Variants in DIAPH3 observed in about 807,000 individuals in gnomAD.
DIAPH3 encodes the protein diaphanous related formin 3.
A neutral mutation model predicts 144.3 loss-of-function variants in DIAPH3; 117 were observed. The observed-to-expected ratio is 0.81, with a 90% CI of 0.70 to 0.95. The LOEUF (loss-of-function observed/expected upper bound fraction) is 0.95, where lower values mean the gene tolerates loss of function less well. DIAPH3 is among the 40% of genes least tolerant of loss of function. The pLI is 0.00. For synonymous variants in DIAPH3, 519 were observed against 488.9 expected (o/e 1.06, Z -0.81); for missense variants, 1,421 against 1,412.7 (o/e 1.01, Z -0.09).
intron 27 of DIAPH3, among the ~76,000 whole-genome samples, chr13:59,732,701 C>T (rs976314556): frequency 6.6e-6 from 1 of 151,964 alleles, no homozygotes; most frequent in African/African-American, 2.4e-5. Context: ...CCTAAGCCTC[C>T]CAAAGTGCTG....
chr13:60,099,814 CT>C (rs199758466), intron 3 of DIAPH3, among the ~76,000 whole-genome samples: 5 of 150,336 alleles, frequency 3.3e-5, no homozygotes, highest in Admixed American at 6.7e-5. Context: ...ACTTGGAAAG[CT>C]TTTTTTTTCA....
intron 18 of DIAPH3, among the ~76,000 whole-genome samples, chr13:59,917,523 A>C (rs1194048283): frequency 6.6e-6 from 1 of 152,148 alleles, no homozygotes; most frequent in East Asian, 1.9e-4. Flanking sequence ...TGAAATCATT[A>C]CAATAAAACT....
intron 22 of DIAPH3, among the ~76,000 whole-genome samples, chr13:59,855,608 A>G (rs1480386246): frequency 7.2e-5 from 11 of 152,090 alleles, no homozygotes; most frequent in Non-Finnish European, 1.3e-4. Flanking sequence ...TAGTTCCCTG[A>G]GACATAAAAC....
rs1450532222 is a variant in DIAPH3, at chr13:59,766,798, A to AAAG, written c.3319+7390_3319+7391insCTT. On this transcript the variant is annotated intron_variant, in intron 27 of 27. Transcript: ENST00000400324. The stretch of plus-strand genomic sequence containing the variant: ...TCATATCTAGGCTTTCAAAAAAAAA[A>AAAG]AAAGAAAGAAAGAAAGAAAAAAAGC... 5.3e-5 allele frequency among the ~76,000 whole-genome samples: 8 copies of AAAG among 151,962 alleles called. No homozygotes were observed. In the East Asian group the frequency reaches 1.5e-3, roughly 29 times the overall value.
At chr13:59,905,566 G>A (rs1049646292) in intron 20 of DIAPH3, among the ~76,000 whole-genome samples, 3 of 152,034 alleles carry the variant, frequency 2.0e-5, no homozygotes, top group African/African-American at 7.2e-5. Flanking sequence ...GCAAAATAAC[G>A]GTCCCTCAAA....
intron 4 of DIAPH3, among the ~76,000 whole-genome samples, chr13:60,067,830 G>A (rs2048634): frequency 0.23 from 34,605 of 151,668 alleles, 4,129 homozygotes; most frequent in Middle Eastern, 0.28. Flanking sequence ...TCTCCTTCCC[G>A]TAATAAAGTA....
chr13:59,750,245 C>T (rs1019199133), intron 27 of DIAPH3, among the ~76,000 whole-genome samples: 1 of 152,138 alleles, frequency 6.6e-6, no homozygotes, highest in African/African-American at 2.4e-5. Flanking sequence ...AAAAAACTAC[C>T]TTGAAATTTA....
chr13:59,735,460 G>T (rs1463867112), intron 27 of DIAPH3, among the ~76,000 whole-genome samples: 1 of 152,142 alleles, frequency 6.6e-6, no homozygotes, highest in Non-Finnish European at 1.5e-5. Flanking sequence ...CATCGTGTTA[G>T]GTGGTGTGCT....
intron 3 of DIAPH3, among the ~76,000 whole-genome samples, chr13:60,104,131 G>A (rs932260035): frequency 1.8e-4 from 28 of 152,040 alleles, no homozygotes; most frequent in African/African-American, 6.8e-4. Flanking sequence ...CTGGAACTTA[G>A]AATTAACTTT....
intron 5 of DIAPH3, among the ~76,000 whole-genome samples, chr13:60,031,030 T>C (rs2054750284): frequency 6.6e-6 from 1 of 152,214 alleles, no homozygotes; most frequent in South Asian, 2.1e-4. Context: ...TGCATTGCTA[T>C]AAAGAAATGC....
At chr13:59,922,185 T>A (rs1191661126) in intron 18 of DIAPH3, among the ~76,000 whole-genome samples, 1 of 151,966 alleles carries the variant, frequency 6.6e-6, no homozygotes, top group African/African-American at 2.4e-5. Context: ...CTATTCAACA[T>A]ATTACTTGAA....
At chr13:60,145,239 T>A (rs931582029) in intron 1 of DIAPH3, among the ~76,000 whole-genome samples, 1 of 152,236 alleles carries the variant, frequency 6.6e-6, no homozygotes, top group Non-Finnish European at 1.5e-5. Flanking sequence ...AGCCAGCTGC[T>A]GAAGCAGTTT....
chr13:60,002,163 T>C (rs1400834342), intron 9 of DIAPH3, among the ~76,000 whole-genome samples: 1 of 152,196 alleles, frequency 6.6e-6, no homozygotes, highest in Non-Finnish European at 1.5e-5. Flanking sequence ...TAGACTCTGA[T>C]GATTTACTGG....
intron 20 of DIAPH3, among the ~76,000 whole-genome samples, chr13:59,910,826 GTTT>G (rs551829721): frequency 7.0e-6 from 1 of 142,850 alleles, no homozygotes; most frequent in Non-Finnish European, 1.5e-5. Context: ...TCTATTTGGA[GTTT>G]TTTTTTTTTT....
chr13:59,910,194 A>C (rs1388167730), intron 20 of DIAPH3, among the ~76,000 whole-genome samples: 1 of 151,492 alleles, frequency 6.6e-6, no homozygotes, highest in Non-Finnish European at 1.5e-5. Context: ...AAACACTCTA[A>C]ATAGTCTGTG....
chr13:59,760,665 T>C (rs865778199), intron 27 of DIAPH3, among the ~76,000 whole-genome samples: 1 of 152,206 alleles, frequency 6.6e-6, no homozygotes, highest in African/African-American at 2.4e-5. Flanking sequence ...TATGCAAATA[T>C]AATAGGCCTA....
At position 59,770,842 on chromosome 13, in the gene DIAPH3, T is replaced by C. The variant is rs145861910; in HGVS notation, c.3319+3347A>G. On this transcript the variant is annotated intron_variant, in intron 27 of 27. Coordinates refer to ENST00000400324, the MANE Select transcript of DIAPH3 (RefSeq NM_001042517.2). ...AGATGGTGCATTCTTGGAAGATATC[T>C]ATAAATCTTAAGTGCCTAGCAACAG... Among the ~76,000 whole-genome samples, 203 of 152,320 alleles carry C rather than the reference T, an allele frequency of 1.3e-3. 1 individual carries two copies. Among genetic ancestry groups the C allele is most frequent in the African/African-American group, 4.7e-3 (195 of 41,576 alleles).
intron 25 of DIAPH3, among the ~76,000 whole-genome samples, chr13:59,802,661 ATTATTATTT>A (rs1223744231): frequency 7.6e-5 from 2 of 26,150 alleles, no homozygotes; most frequent in African/African-American, 1.2e-4. Flanking sequence ...TATTATTATT[ATTATTATTT>A]TTTTTTTTTT....
At chr13:59,697,797 G>A (rs1022675411) in intron 27 of DIAPH3, among the ~76,000 whole-genome samples, 1 of 152,136 alleles carries the variant, frequency 6.6e-6, no homozygotes, top group African/African-American at 2.4e-5. Context: ...AAGGATAAAT[G>A]TTCAGGATGT....
Sources: gnomAD v4.1 joint callset for allele counts (sites outside exome capture counted in the v4.1 genomes callset) on GRCh38, gnomAD v4.1.1 for gene constraint, MANE v1.5 for transcripts, NCBI Gene and HGNC (gene_info 2026-07-23, HGNC 2026-07-21) for gene names.